Variants in SEPTIN9 observed in about 807,000 individuals in gnomAD.
SEPTIN9 encodes septin 9.
Under a neutral mutation model 56.6 loss-of-function variants are expected in SEPTIN9, and 13 were observed. The observed-to-expected ratio is 0.23, with a 90% CI of 0.15 to 0.37. SEPTIN9 has a LOEUF of 0.37. SEPTIN9 is among the 10% of genes least tolerant of loss of function. The pLI is 1.00. For missense variants in SEPTIN9, 650 were observed against 823.1 expected (o/e 0.79, Z 2.57); for synonymous variants, 332 against 334.1 (o/e 0.99, Z 0.07).
chr17:77,376,239 A>G, intron 2 of SEPTIN9: 1 of 986,018 alleles, frequency 1.0e-6, no homozygotes, highest in African/African-American at 1.7e-5. Flanking sequence ...GCCTGTGAAG[A>G]TCATATGGGC....
chr17:77,488,369 C>T (rs750486022), intron 6 of SEPTIN9, 48 bp downstream of exon 6: 8 of 1,533,710 alleles, frequency 5.2e-6, no homozygotes, highest in Non-Finnish European at 6.3e-6. Flanking sequence ...TTCAGGGCTC[C>T]CTGGACCCCA....
chr17:77,480,568 CGGGAGGGCTGCCTCCTGTCT>C (rs1275313836), intron 3 of SEPTIN9, among the ~76,000 whole-genome samples: 1 of 152,224 alleles, frequency 6.6e-6, no homozygotes, highest in Non-Finnish European at 1.5e-5. Context: ...GGGCGTGGGC[CGGGAGGGCTGCCTCCTGTCT>C]GGGAGGGCTG....
intron 4 of SEPTIN9, among the ~76,000 whole-genome samples, chr17:77,486,719 C>G (rs2039808771): frequency 6.6e-6 from 1 of 152,010 alleles, no homozygotes; most frequent in African/African-American, 2.4e-5. Flanking sequence ...ATGCTACTTC[C>G]TCATCCTCGT....
rs527512869 is a variant in SEPTIN9 at position 77,440,593 on chromosome 17, G to A, written c.721+37890G>A. On this transcript the variant is annotated intron_variant, in intron 3 of 11. Transcript: ENST00000427177. ...TCTCTTCCAATTCAGAGCGGCCTGC[G>A]TCCCAAGCGGACAGCTGCTCCCTTC... is the stretch of plus-strand genomic sequence containing the variant. Among the ~76,000 whole-genome samples, 6 of 152,278 alleles carry A rather than the reference G, an allele frequency of 3.9e-5. No individual in the cohort carries two copies. The East Asian group carries it at 5.8e-4, about 15-fold the overall frequency.
At position 77,500,005 on chromosome 17, in the gene SEPTIN9, A is replaced by G. The variant is rs980380613; in HGVS notation, c.*1347A>G. On this transcript the variant is annotated 3_prime_UTR_variant, in exon 12 of 12. Coordinates refer to ENST00000427177, the MANE Select transcript of SEPTIN9 (RefSeq NM_001113491.2). ...CCCATGGGGGCTGTCTTTGCAGGGCACAGATGACCAAAGTCCCTTCCTGCT... is the reference window on the plus strand; with the variant it reads ...CCCATGGGGGCTGTCTTTGCAGGGCGCAGATGACCAAAGTCCCTTCCTGCT... 1.3e-5 allele frequency: 3 copies of G among 236,570 alleles called. No individual in the cohort carries two copies. The highest frequency in any genetic ancestry group is 6.6e-5 in the African/African-American group (3 of 45,332). The allele number at this position is 236,570 out of a possible 1,614,324, so 14.7% of individuals were successfully genotyped here. A position where few individuals can be genotyped will look rare whatever the true frequency, so the allele number is the denominator to read the frequency against.
rs2164450 is a variant in SEPTIN9, at chr17:77,436,063, A to T, written c.721+33360A>T. ...TATGCATGGGTACTTTGCCATCCAC[A>T]CTGGCTTCCACGGCTGGGTGGGAGT... On this transcript the variant is annotated intron_variant, in intron 3 of 11. Coordinates refer to ENST00000427177, the MANE Select transcript of SEPTIN9 (RefSeq NM_001113491.2). The surrounding 1 kb of genome is among the most constrained non-coding windows in gnomAD (Gnocchi z 4.4). Among the ~76,000 whole-genome samples the T allele has an allele frequency of 6.6e-6, 1 of 152,180 alleles. No individual in the cohort carries two copies.
chr17:77,298,126 T>C (rs2031896283), intron 1 of SEPTIN9, among the ~76,000 whole-genome samples: 2 of 152,216 alleles, frequency 1.3e-5, no homozygotes, highest in Non-Finnish European at 2.9e-5. Flanking sequence ...ATGTGTTACC[T>C]CCAAAAGTCA....
rs565960963 is a variant in SEPTIN9 at position 77,312,254 on chromosome 17, AT to A, written c.76+5058del. ...TGTGTGCTGGGGACCGGGTGATAGG[AT>A]CCCTCCACCCGATCATTTCCATTAG... On this transcript the variant is annotated intron_variant, in intron 2 of 11. Coordinates refer to ENST00000427177, the MANE Select transcript of SEPTIN9 (RefSeq NM_001113491.2). Among the ~76,000 whole-genome samples the A allele has an allele frequency of 1.8e-4, 27 of 152,124 alleles. No homozygotes were observed. In the East Asian group the frequency reaches 5.0e-3, roughly 28 times the overall value.
chr17:77,374,348 C>T (rs1274467002), intron 2 of SEPTIN9: 2 of 152,608 alleles, frequency 1.3e-5, no homozygotes, highest in African/African-American at 4.8e-5. Context: ...GCGTCCGCGT[C>T]TCTGAGCCTG....
intron 2 of SEPTIN9, among the ~76,000 whole-genome samples, chr17:77,312,161 C>A (rs2032521893): frequency 6.6e-6 from 1 of 152,172 alleles, no homozygotes; most frequent in African/African-American, 2.4e-5. Context: ...ATCCTCCCCA[C>A]CCCTGCCCTG....
At chr17:77,493,280 A>G (rs1017972324) in intron 10 of SEPTIN9, 2 of 582,526 alleles carry the variant, frequency 3.4e-6, no homozygotes, top group East Asian at 5.7e-5. Flanking sequence ...CCTCCACCCC[A>G]GACCTCCCCC....
chr17:77,309,453 GC>G (rs1429171226), intron 2 of SEPTIN9, among the ~76,000 whole-genome samples: 3 of 152,070 alleles, frequency 2.0e-5, no homozygotes, highest in Non-Finnish European at 4.4e-5. Flanking sequence ...CCTCCCTTTT[GC>G]TAAGACCCTG....
At chr17:77,399,258 C>A (rs1237862173) in intron 2 of SEPTIN9, among the ~76,000 whole-genome samples, 1 of 152,178 alleles carries the variant, frequency 6.6e-6, no homozygotes, top group African/African-American at 2.4e-5. Flanking sequence ...CAAGGGGACT[C>A]CCAAGGAGGG....
chr17:77,444,484 G>A (rs533255451), intron 3 of SEPTIN9, among the ~76,000 whole-genome samples: 118 of 152,036 alleles, frequency 7.8e-4, no homozygotes, highest in African/African-American at 2.8e-3. Flanking sequence ...GGGGAGGGGG[G>A]TGTGGAGAGT....
At chr17:77,354,004 C>T (rs915707027) in intron 2 of SEPTIN9, among the ~76,000 whole-genome samples, 4 of 152,174 alleles carry the variant, frequency 2.6e-5, no homozygotes, top group African/African-American at 9.7e-5. Context: ...GTCCCTAGAA[C>T]AAGGCTCCAG....
At chr17:77,482,483 G>T (rs779365339) in intron 4 of SEPTIN9, 148 bp downstream of exon 4, 2 of 834,048 alleles carry the variant, frequency 2.4e-6, no homozygotes, top group East Asian at 2.6e-5. Context: ...GTGACATTGC[G>T]TGTGCATGCA....
At chr17:77,444,514 AACAG>A (rs1381907547) in intron 3 of SEPTIN9, among the ~76,000 whole-genome samples, 2 of 152,048 alleles carry the variant, frequency 1.3e-5, no homozygotes, top group South Asian at 2.1e-4. Flanking sequence ...AGTCTCTGAA[AACAG>A]ACAGTGTTCC....
chr17:77,432,124 C>T (rs2037167191), intron 3 of SEPTIN9, among the ~76,000 whole-genome samples: 1 of 152,200 alleles, frequency 6.6e-6, no homozygotes. Flanking sequence ...TGAACCAGAG[C>T]CCGGCTGGGA....
At chr17:77,491,777 G>A (rs1412137709) in intron 8 of SEPTIN9, among the ~76,000 whole-genome samples, 1 of 137,934 alleles carries the variant, frequency 7.2e-6, no homozygotes, top group African/African-American at 2.8e-5. Flanking sequence ...CTGCACTCCA[G>A]CCTGGGTGAC....
Sources: gnomAD v4.1 joint callset for allele counts (sites outside exome capture counted in the v4.1 genomes callset) on GRCh38, gnomAD v4.1.1 for gene constraint, Gnocchi (gnomAD v3.1) non-coding constraint, MANE v1.5 for transcripts, NCBI Gene and HGNC (gene_info 2026-07-23, HGNC 2026-07-21) for gene names.